MROH1: variants seen among roughly 807,000 people sequenced by gnomAD.
MROH1 encodes maestro heat-like repeat-containing protein family member 1.
A neutral mutation model predicts 116.5 loss-of-function variants in MROH1; 117 were observed. The ratio of observed to expected loss-of-function variants is 1.00; its 90% confidence interval spans 0.86 to 1.17. The LOEUF is 1.17. MROH1 is among the 50% of genes most tolerant of loss of function. The pLI is 0.00. For missense variants in MROH1, 1,873 were observed against 1,338.5 expected (o/e 1.40, Z -6.23); for synonymous variants, 921 against 583.9 (o/e 1.58, Z -8.32).
intron 14 of MROH1, among the ~76,000 whole-genome samples, chr8:144,228,890 G>A (rs967898941): frequency 6.6e-6 from 1 of 152,120 alleles, no homozygotes; most frequent in African/African-American, 2.4e-5. Flanking sequence ...TTTCAAAATG[G>A]GCGTCATTCC....
intron 12 of MROH1, among the ~76,000 whole-genome samples, chr8:144,211,262 A>G (rs1834034068): frequency 6.6e-6 from 1 of 152,196 alleles, no homozygotes; most frequent in Non-Finnish European, 1.5e-5. Context: ...TCTCCTTTGA[A>G]CGTCAGTCTT....
Position 144,239,602 on chromosome 8 carries a change from G to A in MROH1, c.1633-12G>A, listed in dbSNP as rs1840629896. The A allele has an allele frequency of 3.9e-6, 3 of 771,892 alleles. No homozygotes were observed. The highest frequency in any genetic ancestry group is 7.2e-6 in the Non-Finnish European group (3 of 414,426). 47.8% of individuals were successfully genotyped at this position (771,892 alleles called of 1,614,324 possible). A position where few individuals can be genotyped will look rare whatever the true frequency, so the allele number is the denominator to read the frequency against. On this transcript the variant is annotated splice_polypyrimidine_tract_variant and intron_variant, in intron 17 of 43. Transcript: ENST00000326134. ...CCTGCTCAGACCCGGCTCCCACGCTGCCTCTTTTCAGGTTGTGTCTTCCAG... is the reference window on the plus strand; with the variant it reads ...CCTGCTCAGACCCGGCTCCCACGCTACCTCTTTTCAGGTTGTGTCTTCCAG...
chr8:144,191,955 G>A, intron 9 of MROH1, 100 bp downstream of exon 9: 1 of 1,424,690 alleles, frequency 7.0e-7, no homozygotes, highest in Non-Finnish European at 9.6e-7. Flanking sequence ...GTGGTGGGTG[G>A]GGGTGGCCCT....
At chr8:144,244,581 C>G (rs1391655462) in intron 28 of MROH1, 42 bp downstream of exon 28, 9 of 723,710 alleles carry the variant, frequency 1.2e-5, no homozygotes, top group Admixed American at 9.8e-5. Flanking sequence ...GATGGGGGCA[C>G]AGAGGGCACT....
chr8:144,239,144 G>A lies in MROH1; in HGVS notation c.1556G>A (p.Gly519Glu). ...CTGGCGCAGAAGAGGCAGGAGGCCG[G>A]GGCCGACGCCTTCCTCATCCAGTAC... ...VHLAQKRQEA[G>E]ADAFLIQYDA... Residue 519 changes from glycine (G) to glutamate (E), a missense_variant, in exon 16 of 44, where the codon GGG becomes GAG. Coordinates refer to ENST00000326134, the MANE Select transcript of MROH1 (RefSeq NM_032450.3). 1 of 769,154 alleles carries A rather than the reference G, an allele frequency of 1.3e-6. No individual in the cohort carries two copies. The highest frequency in any genetic ancestry group is 1.7e-5 in the Admixed American group (1 of 58,746). 47.6% of individuals were successfully genotyped at this position (769,154 alleles called of 1,614,324 possible).
At chr8:144,235,972 T>C (rs1159851391) in intron 14 of MROH1, among the ~76,000 whole-genome samples, 3 of 152,238 alleles carry the variant, frequency 2.0e-5, no homozygotes, top group African/African-American at 7.2e-5. Flanking sequence ...GTCCAGATGT[T>C]GGAATCAGGA....
intron 7 of MROH1, among the ~76,000 whole-genome samples, chr8:144,181,350 G>A (rs573688299): frequency 2.7e-4 from 29 of 108,124 alleles, no homozygotes; most frequent in African/African-American, 1.3e-3. Flanking sequence ...GCCCGGGCAG[G>A]GCATGTTTTC....
At chr8:144,225,913 T>G (rs1359005029) in intron 14 of MROH1, among the ~76,000 whole-genome samples, 1 of 126,520 alleles carries the variant, frequency 7.9e-6, no homozygotes, top group South Asian at 2.3e-4. Context: ...ATTTTTAGTT[T>G]TTTTTTTTTT....
At position 144,168,400 on chromosome 8, in the gene MROH1, C is replaced by A. The variant is rs769118455; in HGVS notation, c.128C>A (p.Thr43Lys). 1 of 1,611,282 alleles carries A rather than the reference C, an allele frequency of 6.2e-7. No individual in the cohort carries two copies. Among genetic ancestry groups the A allele is most frequent in the East Asian group, 2.2e-5 (1 of 44,864 alleles). The change falls in exon 4 of 44, where the codon ACG becomes AAG. Residue 43 changes from threonine (T) to lysine (K), a missense_variant. Transcript: ENST00000326134. ...CTCGGGGAGGCGCGGCCGGTGGAGA[C>A]GCTCCGTGCCTGCGAGGAGTATCTG... The part of the protein sequence containing the change: ...CSLGEARPVE[T>K]LRACEEYLRQ...
intron 10 of MROH1, 51 bp downstream of exon 10, chr8:144,192,452 G>A: frequency 6.7e-7 from 1 of 1,491,716 alleles, no homozygotes; most frequent in Non-Finnish European, 9.1e-7. Context: ...ACCCTTCCGT[G>A]GGAAGTTGCT....
At chr8:144,165,827 C>A (rs11993338) in intron 3 of MROH1, among the ~76,000 whole-genome samples, 121 of 151,070 alleles carry the variant, frequency 8.0e-4, no homozygotes, top group African/African-American at 2.8e-3. Context: ...AAGTGATCGG[C>A]CTCCCAAAGT....
chr8:144,220,790 T>A, intron 13 of MROH1, 117 bp downstream of exon 13: 1 of 804,420 alleles, frequency 1.2e-6, no homozygotes, highest in Admixed American at 2.4e-5. Flanking sequence ...TTGGCTGGAC[T>A]GAGCTTGGGA....
chr8:144,248,932 T>C lies in MROH1; in HGVS notation c.3176T>C (p.Phe1059Ser). 1 of 774,270 alleles carries C rather than the reference T, an allele frequency of 1.3e-6. No individual in the cohort carries two copies. Among genetic ancestry groups the C allele is most frequent in the African/African-American group, 1.7e-5 (1 of 58,952 alleles). 48.0% of individuals were successfully genotyped at this position (774,270 alleles called of 1,614,324 possible). The change falls in exon 32 of 44, where the codon TTT becomes TCT. Residue 1059 changes from phenylalanine to serine, a missense_variant. Physicochemically the swap from Phe to Ser is radical, Grantham distance 155. Transcript: ENST00000326134. ...DQLISLLLTM[F>S]EALGDPEKNC... ...CTCATCAGCCTCTTGCTAACCATGT[T>C]TGAGGCCCTGGGAGACCCCGAAAAG...
chr8:144,225,625 C>A (rs1031618971), intron 14 of MROH1, among the ~76,000 whole-genome samples: 2 of 152,030 alleles, frequency 1.3e-5, no homozygotes, highest in African/African-American at 4.8e-5. Flanking sequence ...AATCTTGGCT[C>A]ACTGCAACCT....
At position 144,261,857 on chromosome 8, in the gene MROH1, A is replaced by C; in HGVS notation, c.*117A>C. 1 of 692,404 alleles carries C rather than the reference A, an allele frequency of 1.4e-6. No individual in the cohort carries two copies. Among genetic ancestry groups the C allele is most frequent in the Non-Finnish European group, 2.6e-6 (1 of 380,772 alleles). The allele number at this position is 692,404 out of a possible 1,614,324, so 42.9% of individuals were successfully genotyped here. A position where few individuals can be genotyped will look rare whatever the true frequency, so the allele number is the denominator to read the frequency against. On this transcript the variant is annotated 3_prime_UTR_variant, in exon 44 of 44. Transcript: ENST00000326134. ...ACGACTGGAGGGGCCTGGCCCCAGA[A>C]CAGGCACTGCTGGGGACCAAACCCA...
intron 12 of MROH1, among the ~76,000 whole-genome samples, chr8:144,210,321 C>G (rs1487387381): frequency 6.6e-6 from 1 of 151,986 alleles, no homozygotes; most frequent in South Asian, 2.1e-4. Flanking sequence ...GCCTGTAATC[C>G]CAGCTACTTG....
chr8:144,258,996 G>A (rs901442307), intron 36 of MROH1, 82 bp downstream of exon 36: 19 of 652,318 alleles, frequency 2.9e-5, no homozygotes, highest in Admixed American at 1.7e-4. Context: ...AGGATCAGGC[G>A]GGGGCCCATG....
intron 12 of MROH1, among the ~76,000 whole-genome samples, chr8:144,218,169 C>T: frequency 6.6e-6 from 1 of 152,170 alleles, no homozygotes; most frequent in East Asian, 1.9e-4. Context: ...GGGCTCTTGG[C>T]AGTTTGCTGT....
intron 12 of MROH1, among the ~76,000 whole-genome samples, chr8:144,218,552 G>T (rs2132297709): frequency 1.3e-5 from 2 of 151,370 alleles, no homozygotes; most frequent in Middle Eastern, 6.8e-3. Flanking sequence ...TGCACCCTTT[G>T]CTGTGTCCAC....
Sources: gnomAD v4.1 joint callset for allele counts (sites outside exome capture counted in the v4.1 genomes callset) on GRCh38, gnomAD v4.1.1 for gene constraint, MANE v1.5 for transcripts, NCBI Gene and HGNC (gene_info 2026-07-23, HGNC 2026-07-21) for gene names.